HPS5: variants seen among roughly 807,000 people sequenced by gnomAD.
The protein encoded by HPS5 is BLOC-2 complex member HPS5.
A neutral mutation model predicts 128.0 loss-of-function variants in HPS5; 83 were observed. The observed-to-expected ratio is 0.65, with a 90% CI of 0.54 to 0.78. HPS5 has a LOEUF of 0.78. Among genes scored for constraint, HPS5 ranks in the 30% least tolerant of loss-of-function variants. The probability of loss-of-function intolerance (pLI) is 0.00; values close to 1 mark genes in which losing one functional copy is unlikely to be tolerated. For missense variants in HPS5, 1,281 were observed against 1,326.2 expected (o/e 0.97, Z 0.53); for synonymous variants, 475 against 470.2 (o/e 1.01, Z -0.13).
chr11:18,320,494 G>A (rs1173133018), intron 1 of HPS5, among the ~76,000 whole-genome samples: 3 of 152,172 alleles, frequency 2.0e-5, no homozygotes, highest in Admixed American at 6.5e-5. Flanking sequence ...TTAATACTAT[G>A]CTGAAGCCTG....
In HPS5 at chr11:18,295,159, A is replaced by C; in HGVS notation, c.1645T>G (p.Phe549Val). ...LQAVKESVSS[F>V]VRKTTEKIGT... ...ATCTTCTCAGTAGTTTTACGCACAAAGCTAGAAACACTAGAAGTCAAATAA... is the reference window on the plus strand; with the variant it reads ...ATCTTCTCAGTAGTTTTACGCACAACGCTAGAAACACTAGAAGTCAAATAA... Residue 549 changes from phenylalanine to valine, a missense_variant, in exon 14 of 23, where the codon TTT becomes GTT. Phe to Val is a conservative substitution (Grantham distance 50, BLOSUM62 -1). Coordinates refer to ENST00000349215, the MANE Select transcript of HPS5 (RefSeq NM_181507.2). 3 of 1,614,086 alleles carry C rather than the reference A, an allele frequency of 1.9e-6. No individual in the cohort carries two copies. Among genetic ancestry groups the C allele is most frequent in the Non-Finnish European group, 2.5e-6 (3 of 1,180,000 alleles).
intron 1 of HPS5, among the ~76,000 whole-genome samples, chr11:18,320,613 G>T (rs10741742): frequency 0.63 from 95,291 of 152,060 alleles, 31,271 homozygotes; most frequent in East Asian, 0.96. Flanking sequence ...AGCATTATCA[G>T]GTCTTCTAAA....
In HPS5 at chr11:18,321,146, A is replaced by G. The variant is rs541043752; in HGVS notation, c.-50+800T>C. On this transcript the variant is annotated intron_variant, in intron 1 of 22. Transcript: ENST00000349215. ...TCTGCGTTTGAAATTTTCCACAATA[A>G]AATTTAAAAAATATATACATAATAT... Among the ~76,000 whole-genome samples, 3 of 152,014 alleles carry G rather than the reference A, an allele frequency of 2.0e-5. No homozygotes were observed. The East Asian group carries it at 5.8e-4, about 29-fold the overall frequency.
Position 18,280,017 on chromosome 11 carries a change from A to C in HPS5, c.3330-75T>G. Reference sequence around the variant, plus strand: ...TCTTCACAGAAAACTTAAAAACTACAGAGTTTCAGAGGATTCAAAAAGTTG... The same window carrying C: ...TCTTCACAGAAAACTTAAAAACTACCGAGTTTCAGAGGATTCAAAAAGTTG... On this transcript the variant is annotated intron_variant, in intron 22 of 22. Transcript: ENST00000349215. The C allele has an allele frequency of 3.5e-6, 5 of 1,428,660 alleles. No individual in the cohort carries two copies. In the South Asian group the frequency reaches 4.7e-5, roughly 13 times the overall value. 88.5% of individuals were successfully genotyped at this position (1,428,660 alleles called of 1,614,324 possible). A position where few individuals can be genotyped will look rare whatever the true frequency, so the allele number is the denominator to read the frequency against.
chr11:18,312,856 T>C (rs962775837), intron 2 of HPS5, among the ~76,000 whole-genome samples: 4 of 152,216 alleles, frequency 2.6e-5, no homozygotes, highest in African/African-American at 4.8e-5. Flanking sequence ...AGTTATATCA[T>C]TGGGCCACTA....
rs1405118538 is a variant in HPS5 at position 18,286,634 on chromosome 11, C to A, written c.2794G>T (p.Ala932Ser). 1.2e-5 allele frequency: 19 copies of A among 1,613,960 alleles called. No homozygotes were observed. Among genetic ancestry groups the A allele is most frequent in the East Asian group, 2.2e-5 (1 of 44,870 alleles). Residue 932 changes from alanine to serine, a missense_variant, in exon 19 of 23, where the codon GCT (alanine) becomes TCT (serine). By Grantham distance (99) the Ala-to-Ser change is moderately conservative. Coordinates refer to ENST00000349215, the MANE Select transcript of HPS5 (RefSeq NM_181507.2). ...TCCATTGTGCTGGTGCTTGGTGGAG[C>A]ATCAAGGGACACTGCCAAAAGCAGC... The part of the protein sequence containing the change: ...DWLLLAVSLD[A>S]PPSTSTMDDE...
chr11:18,298,451 C>T (rs938202678), intron 10 of HPS5, among the ~76,000 whole-genome samples: 36 of 151,638 alleles, frequency 2.4e-4, no homozygotes, highest in African/African-American at 7.0e-4. Context: ...GCCGAGATTG[C>T]GCCACTGCAC....
At chr11:18,300,677 A>G (rs565878056) in intron 9 of HPS5, 151 bp downstream of exon 9, 2 of 550,838 alleles carry the variant, frequency 3.6e-6, no homozygotes, top group South Asian at 4.2e-5. Flanking sequence ...AGCCTGGGTG[A>G]CAGAGCAAGA....
rs1564946459 is a variant in HPS5, at chr11:18,295,096, G to A, written c.1708C>T (p.Pro570Ser). Residue 570 changes from proline to serine, a missense_variant, in exon 14 of 23, where the codon CCA (proline) becomes TCA (serine). Coordinates refer to ENST00000349215, the MANE Select transcript of HPS5 (RefSeq NM_181507.2). ...LHTSPDLKVR[P>S]ELRGDEQSCE... ...GATTGCTCATCACCCCTGAGCTCTG[G>A]TCTCACTTTCAGATCAGGGCTCGTG... 5.0e-6 allele frequency: 8 copies of A among 1,614,012 alleles called. No homozygotes were observed. The highest frequency in any genetic ancestry group is 6.8e-6 in the Non-Finnish European group (8 of 1,179,914).
At chr11:18,301,622 C>G (rs370631409) in intron 8 of HPS5, among the ~76,000 whole-genome samples, 32 of 152,228 alleles carry the variant, frequency 2.1e-4, no homozygotes, top group African/African-American at 7.5e-4. Flanking sequence ...AATCATTACT[C>G]TAGTGAGACA....
rs771400470 is a variant in HPS5 at position 18,317,743 on chromosome 11, A to C, written c.108+8T>G. The C allele has an allele frequency of 1.9e-6, 3 of 1,612,856 alleles. No individual in the cohort carries two copies. The highest frequency in any genetic ancestry group is 2.5e-6 in the Non-Finnish European group (3 of 1,179,400). On this transcript the variant is annotated splice_region_variant and intron_variant, in intron 2 of 22. Coordinates refer to ENST00000349215, the MANE Select transcript of HPS5 (RefSeq NM_181507.2). Reference sequence around the variant, plus strand: ...AAATGAAACTGATACAAGGATCAAGAAATTCACCTTTAGACGACTGGAGTC... The same window carrying C: ...AAATGAAACTGATACAAGGATCAAGCAATTCACCTTTAGACGACTGGAGTC...
chr11:18,282,043 C>G lies in HPS5; in HGVS notation c.3236G>C (p.Trp1079Ser). Residue 1079 changes from tryptophan (W) to serine (S), a missense_variant, in exon 22 of 23, where the codon TGG (tryptophan) becomes TCG (serine). Coordinates refer to ENST00000349215, the MANE Select transcript of HPS5 (RefSeq NM_181507.2). ...LAKAMGPDRA[W>S]SLLQECGLAL... The stretch of plus-strand genomic sequence containing the variant: ...CAGACCACATTCCTGTAGCAGTGAC[C>G]AAGCCCGATCTGGGCCCATGGCCTT... The G allele has an allele frequency of 6.2e-7, 1 of 1,614,182 alleles. No homozygotes were observed. The highest frequency in any genetic ancestry group is 8.5e-7 in the Non-Finnish European group (1 of 1,180,030).
At chr11:18,317,691 A>T in intron 2 of HPS5, 60 bp downstream of exon 2, 1 of 1,518,052 alleles carries the variant, frequency 6.6e-7, no homozygotes, top group Non-Finnish European at 9.1e-7. Context: ...ACTGGAGGGT[A>T]GGGGCACAGT....
chr11:18,287,752 A>G lies in HPS5; in HGVS notation c.2562-62T>C, dbSNP rs1590060449. Reference sequence around the variant, plus strand: ...CAGTGAAATTATATAACTTGGTTACATTTAGGTTACTTATTACAAATGAAA... The same window carrying G: ...CAGTGAAATTATATAACTTGGTTACGTTTAGGTTACTTATTACAAATGAAA... On this transcript the variant is annotated intron_variant, in intron 17 of 22. Transcript: ENST00000349215. 4.4e-6 allele frequency: 7 copies of G among 1,598,804 alleles called. No individual in the cohort carries two copies. In the East Asian group the frequency reaches 1.6e-4, roughly 36 times the overall value.
At chr11:18,304,405 C>T (rs1010995134) in intron 8 of HPS5, among the ~76,000 whole-genome samples, 10 of 151,896 alleles carry the variant, frequency 6.6e-5, no homozygotes, top group Non-Finnish European at 1.2e-4. Context: ...TTAGTAGAGA[C>T]GGGGTTTCTC....
Position 18,292,968 on chromosome 11 carries a change from T to G in HPS5, c.1793A>C (p.Lys598Thr), listed in dbSNP as rs1248284960. Residue 598 changes from lysine (K) to threonine (T), a missense_variant, in exon 15 of 23, where the codon AAA becomes ACA. Physicochemically the swap from Lys to Thr is moderately conservative, Grantham distance 78. Transcript: ENST00000349215. ...TTCTGGAGGTGGACTAGTTACCTCT[T>G]TTTCCTCCCTAAAAAAGTGTGCAAA... ...CPKEEDTEEE[K>T]EVTSPPPEED... The G allele has an allele frequency of 7.4e-6, 12 of 1,613,378 alleles. No homozygotes were observed. The highest frequency in any genetic ancestry group is 5.0e-5 in the Admixed American group (3 of 60,010).
chr11:18,297,075 A>C (rs1861166374), intron 11 of HPS5, 91 bp from the exon 12 acceptor site: 2 of 848,068 alleles, frequency 2.4e-6, no homozygotes, highest in Admixed American at 2.2e-5. Flanking sequence ...CAACACTCAA[A>C]TAGAAAGTTA....
intron 2 of HPS5, among the ~76,000 whole-genome samples, chr11:18,315,616 A>G (rs950169485): frequency 6.6e-6 from 1 of 152,090 alleles, no homozygotes; most frequent in Admixed American, 6.5e-5. Flanking sequence ...CTATCTTAAA[A>G]AAAAAAAAAT....
chr11:18,309,040 T>C lies in HPS5; in HGVS notation c.517A>G (p.Thr173Ala). The change falls in exon 6 of 23, where the codon ACA becomes GCA. Residue 173 changes from threonine to alanine, a missense_variant. Thr to Ala is a moderately conservative substitution (Grantham distance 58). Transcript: ENST00000349215. ...TGTACAACACAGGAGTCAACAGTTG[T>C]GATTGTCTGAACAGGAAACATCACA... ...AFVMFPVQTI[T>A]TVDSCVVQLD... 2 of 1,613,886 alleles carry C rather than the reference T, an allele frequency of 1.2e-6. No homozygotes were observed. Among genetic ancestry groups the C allele is most frequent in the Non-Finnish European group, 1.7e-6 (2 of 1,179,816 alleles).
Sources: gnomAD v4.1 joint callset for allele counts (sites outside exome capture counted in the v4.1 genomes callset) on GRCh38, gnomAD v4.1.1 for gene constraint, MANE v1.5 for transcripts, NCBI Gene and HGNC (gene_info 2026-07-23, HGNC 2026-07-21) for gene names.